Variants in PMFBP1 observed in about 807,000 individuals in gnomAD.
PMFBP1 encodes polyamine-modulated factor 1-binding protein 1.
Under a neutral mutation model 137.8 loss-of-function variants are expected in PMFBP1, and 131 were observed. The ratio of observed to expected loss-of-function variants is 0.95; its 90% CI spans 0.82 to 1.10. The LOEUF is 1.10. Among genes scored for constraint, PMFBP1 ranks in the 50% least tolerant of loss-of-function variants. The pLI, the probability that PMFBP1 is intolerant of heterozygous loss-of-function variation, is 0.00. For synonymous variants in PMFBP1, 490 were observed against 450.4 expected, an observed-to-expected ratio of 1.09 and a Z score of -1.11; for missense variants, 1,199 against 1,175.4, an observed-to-expected ratio of 1.02 and a Z score of -0.29.
At chr16:72,137,651 G>A (rs2042653093) in intron 7 of PMFBP1, among the ~76,000 whole-genome samples, 1 of 152,174 alleles carries the variant, frequency 6.6e-6, no homozygotes, top group Non-Finnish European at 1.5e-5. Flanking sequence ...GAGACGAGGT[G>A]AGGAGCTGGG....
At chr16:72,225,707 T>TTTA in the PMFBP1 span, among the ~76,000 whole-genome samples, 51,070 of 122,922 alleles carry the variant, frequency 0.42, 10,605 homozygotes, top group South Asian at 0.52. Context: ...AATGAGACTG[T>TTTA]TTATAATAAT....
At chr16:72,135,676 C>T (rs923980898) in intron 9 of PMFBP1, among the ~76,000 whole-genome samples, 1 of 150,360 alleles carries the variant, frequency 6.7e-6, no homozygotes, top group African/African-American at 2.4e-5. Flanking sequence ...TCTTTTAGGG[C>T]ACAGCTCCAT....
chr16:72,123,123 C>G (rs752593976), intron 18 of PMFBP1, 135 bp from the exon 19 acceptor site: 150 of 752,718 alleles, frequency 2.0e-4, no homozygotes, highest in Non-Finnish European at 3.7e-5. Flanking sequence ...ATCACCCCGT[C>G]CGCAGAGCTA....
chr16:72,187,266 C>T, the PMFBP1 span, among the ~76,000 whole-genome samples: 1 of 152,088 alleles, frequency 6.6e-6, no homozygotes, highest in Admixed American at 6.5e-5. Flanking sequence ...CAGTATCTTC[C>T]ATCCTTAGAT....
chr16:72,229,911 C>T, the PMFBP1 span, among the ~76,000 whole-genome samples: 1 of 152,070 alleles, frequency 6.6e-6, no homozygotes, highest in Non-Finnish European at 1.5e-5. Context: ...GTGACCAGTA[C>T]AAAGTAGGGC....
the PMFBP1 span, among the ~76,000 whole-genome samples, chr16:72,217,330 T>C: frequency 6.6e-6 from 1 of 152,204 alleles, no homozygotes; most frequent in South Asian, 2.1e-4. Context: ...CAGTACTCTG[T>C]TGTAATTTCC....
the PMFBP1 span, among the ~76,000 whole-genome samples, chr16:72,212,765 G>A: frequency 1.3e-5 from 2 of 152,108 alleles, no homozygotes; most frequent in South Asian, 2.1e-4. Context: ...GCCTTAACTC[G>A]ATTACATCAC....
At chr16:72,119,762 G>A (rs753554866) in intron 20 of PMFBP1, 89 bp downstream of exon 20, 2 of 1,549,922 alleles carry the variant, frequency 1.3e-6, no homozygotes, top group Non-Finnish European at 1.7e-6. Context: ...GGCCACAAAA[G>A]GCCTATTTTC....
chr16:72,154,878 C>A (rs1452699978), intron 3 of PMFBP1, among the ~76,000 whole-genome samples: 1 of 152,128 alleles, frequency 6.6e-6, no homozygotes, highest in African/African-American at 2.4e-5. Flanking sequence ...GGTAAAGGAG[C>A]ATTGCAATGA....
At chr16:72,199,568 C>T in the PMFBP1 span, among the ~76,000 whole-genome samples, 114 of 149,126 alleles carry the variant, frequency 7.6e-4, no homozygotes, top group African/African-American at 2.7e-3. Context: ...GCAGGAGAAT[C>T]GCTTGAACCT....
chr16:72,126,027 C>T lies in PMFBP1; in HGVS notation c.2194G>A (p.Asp732Asn). ...GCGGCTGACTTCCGGGATAATGCAT[C>T]ATAGGCTTCTTTGGTGATGGTAGTC... ...LQTTITKEAYDALSRKSAACQ... is the reference protein window; with the variant it reads ...LQTTITKEAYNALSRKSAACQ... Residue 732 changes from aspartate (D) to asparagine (N), a missense_variant, in exon 15 of 21, where the codon GAT (aspartate) becomes AAT (asparagine). Coordinates refer to ENST00000237353, the MANE Select transcript of PMFBP1 (RefSeq NM_031293.3). The T allele has an allele frequency of 6.2e-7, 1 of 1,614,236 alleles. No individual in the cohort carries two copies. Among genetic ancestry groups the T allele is most frequent in the Non-Finnish European group, 8.5e-7 (1 of 1,180,036 alleles).
At chr16:72,131,254 G>T (rs2042545528) in intron 10 of PMFBP1, among the ~76,000 whole-genome samples, 1 of 152,154 alleles carries the variant, frequency 6.6e-6, no homozygotes, top group South Asian at 2.1e-4. Context: ...GAGGAGGGTA[G>T]AAGACACCAG....
rs759348366 is a variant in PMFBP1 at position 72,129,102 on chromosome 16, T to C, written c.1914A>G (p.Glu638=). The change falls in exon 13 of 21, where the codon GAA becomes GAG. Residue 638 remains glutamate (E), a synonymous_variant. Transcript: ENST00000237353. ...EHEKLMEGEL[E]ALRQEFKKKD... ...TCTTTTTAAATTCCTGCCGCAAAGC[T>C]TCAAGTTCTCCCTCCATCAGCTTCT... 1.9e-6 allele frequency: 3 copies of C among 1,614,176 alleles called. No individual in the cohort carries two copies. The highest frequency in any genetic ancestry group is 1.7e-6 in the Non-Finnish European group (2 of 1,180,034).
At chr16:72,204,158 ACT>A in the PMFBP1 span, among the ~76,000 whole-genome samples, 281 of 149,594 alleles carry the variant, frequency 1.9e-3, 3 homozygotes, top group African/African-American at 6.5e-3. Context: ...TGAAATGATC[ACT>A]TTCTTCTTGT....
chr16:72,196,369 A>G, the PMFBP1 span, among the ~76,000 whole-genome samples: 14 of 152,152 alleles, frequency 9.2e-5, no homozygotes, highest in African/African-American at 3.4e-4. Flanking sequence ...TGTGGTACAG[A>G]ACTGGCACTT....
chr16:72,119,053 G>A (rs1022248738), downstream of PMFBP1: 16 of 359,966 alleles, frequency 4.4e-5, no homozygotes, highest in Non-Finnish European at 7.0e-5. Flanking sequence ...GGGGGATTGC[G>A]GGGCAGAAAT....
the PMFBP1 span, among the ~76,000 whole-genome samples, chr16:72,240,580 C>T: frequency 6.6e-6 from 1 of 152,106 alleles, no homozygotes; most frequent in African/African-American, 2.4e-5. Context: ...TTATCTCTTC[C>T]TTAGGTTTTT....
At chr16:72,133,967 G>A (rs12928365) in intron 9 of PMFBP1, among the ~76,000 whole-genome samples, 90,450 of 151,786 alleles carry the variant, frequency 0.6, 27,781 homozygotes, top group African/African-American at 0.73. Context: ...AAATACAAAT[G>A]TTAGCCAGGC....
chr16:72,128,038 C>T (rs1036735801), intron 14 of PMFBP1, among the ~76,000 whole-genome samples: 2 of 152,164 alleles, frequency 1.3e-5, no homozygotes, highest in African/African-American at 2.4e-5. Context: ...AGAAAGGGAA[C>T]AGGTGTTAGA....
Sources: gnomAD v4.1 joint callset for allele counts (sites outside exome capture counted in the v4.1 genomes callset) on GRCh38, gnomAD v4.1.1 for gene constraint, MANE v1.5 for transcripts, NCBI Gene and HGNC (gene_info 2026-07-23, HGNC 2026-07-21) for gene names.